Variants in PTPRD observed in about 807,000 individuals in gnomAD.
PTPRD encodes protein tyrosine phosphatase receptor type D.
In PTPRD, 34 loss-of-function variants were observed where a neutral mutation model predicts 214.5. The ratio of observed to expected loss-of-function variants is 0.16; its 90% CI spans 0.12 to 0.21. PTPRD has a LOEUF of 0.21. PTPRD is among the 10% of genes least tolerant of loss of function. The pLI, the probability that PTPRD is intolerant of heterozygous loss-of-function variation, is 1.00. For missense variants in PTPRD, 2,545 were observed against 2,398.7 expected, an observed-to-expected ratio of 1.06 and a Z score of -1.27; for synonymous variants, 1,128 against 845.7, an observed-to-expected ratio of 1.33 and a Z score of -5.79.
chr9:9,188,437 A>G (rs945107626), intron 9 of PTPRD, among the ~76,000 whole-genome samples: 1 of 152,206 alleles, frequency 6.6e-6, no homozygotes. Flanking sequence ...GATAATGCCA[A>G]ACTGTTTTCC....
chr9:8,373,854 G>GTGTGTGTATGTGTC (rs1564367376), intron 39 of PTPRD, among the ~76,000 whole-genome samples: 4 of 129,158 alleles, frequency 3.1e-5, no homozygotes. Flanking sequence ...GTATGTGTAT[G>GTGTGTGTATGTGTC]TGTCTGTCTG....
intron 9 of PTPRD, among the ~76,000 whole-genome samples, chr9:9,297,286 CA>C (rs1953440614): frequency 6.6e-6 from 1 of 151,576 alleles, no homozygotes; most frequent in African/African-American, 2.4e-5. Flanking sequence ...TATTTTTCTG[CA>C]ATCTTTATAG....
intron 11 of PTPRD, among the ~76,000 whole-genome samples, chr9:9,015,632 C>T (rs2099531681): frequency 6.6e-6 from 1 of 152,072 alleles, no homozygotes; most frequent in South Asian, 2.1e-4. Context: ...ATGGACTTGC[C>T]CTGAATTCTT....
At chr9:9,715,450 T>C (rs1269848780) in intron 7 of PTPRD, among the ~76,000 whole-genome samples, 2 of 152,116 alleles carry the variant, frequency 1.3e-5, no homozygotes, top group African/African-American at 4.8e-5. Context: ...GCCGTATTAG[T>C]GCCTTGGTGG....
chr9:8,347,907 G>A (rs1417245034), intron 39 of PTPRD, among the ~76,000 whole-genome samples: 1 of 152,166 alleles, frequency 6.6e-6, no homozygotes, highest in Non-Finnish European at 1.5e-5. Flanking sequence ...TGAATGGTGA[G>A]AAAGTAAGTT....
At chr9:10,527,265 G>T (rs2054588054) in intron 2 of PTPRD, among the ~76,000 whole-genome samples, 1 of 152,080 alleles carries the variant, frequency 6.6e-6, no homozygotes. Context: ...CAGAGGCAGG[G>T]GCATTCATGA....
chr9:8,804,771 A>G (rs189660281), intron 11 of PTPRD, among the ~76,000 whole-genome samples: 183 of 152,302 alleles, frequency 1.2e-3, no homozygotes, highest in African/African-American at 4.1e-3. Context: ...TGCTGAAGAA[A>G]TAAGAGTAAC....
chr9:8,705,228 T>C (rs373226487), intron 12 of PTPRD, among the ~76,000 whole-genome samples: 2 of 152,308 alleles, frequency 1.3e-5, no homozygotes, highest in African/African-American at 2.4e-5. Context: ...GTTGTTACTG[T>C]TGTTTTGTTT....
At chr9:9,067,551 A>C in intron 10 of PTPRD, among the ~76,000 whole-genome samples, 1 of 152,104 alleles carries the variant, frequency 6.6e-6, no homozygotes, top group East Asian at 1.9e-4. Context: ...CTTATCTTCT[A>C]TATATTCTTA....
At chr9:10,146,302 T>C (rs2099022630) in intron 3 of PTPRD, among the ~76,000 whole-genome samples, 1 of 152,032 alleles carries the variant, frequency 6.6e-6, no homozygotes. Context: ...AATTTAGTGA[T>C]ACTATCTAGG....
intron 35 of PTPRD, among the ~76,000 whole-genome samples, chr9:8,434,310 T>A (rs1008423400): frequency 6.6e-6 from 1 of 152,190 alleles, no homozygotes; most frequent in African/African-American, 2.4e-5. Flanking sequence ...ATTTTTTACC[T>A]TACCTTTTCT....
chr9:8,698,547 A>C (rs2097986623), intron 12 of PTPRD, among the ~76,000 whole-genome samples: 1 of 152,328 alleles, frequency 6.6e-6, no homozygotes, highest in African/African-American at 2.4e-5. Context: ...TTTTATCTAC[A>C]TCTGTACTTT....
intron 37 of PTPRD, among the ~76,000 whole-genome samples, chr9:8,380,405 G>C (rs546047624): frequency 6.6e-6 from 1 of 152,280 alleles, no homozygotes; most frequent in South Asian, 2.1e-4. Context: ...AAGAAGAACA[G>C]CAGAACTTGT....
chr9:8,951,273 T>C (rs755709833), intron 11 of PTPRD, among the ~76,000 whole-genome samples: 1 of 151,246 alleles, frequency 6.6e-6, no homozygotes, highest in Non-Finnish European at 1.5e-5. Context: ...ATTTTTTTTC[T>C]TACCACATGG....
At chr9:8,894,014 C>A (rs1178416582) in intron 11 of PTPRD, among the ~76,000 whole-genome samples, 1 of 151,832 alleles carries the variant, frequency 6.6e-6, no homozygotes, top group Non-Finnish European at 1.5e-5. Context: ...TTTTGTAAAG[C>A]ACACCCGAAG....
Position 9,319,935 on chromosome 9 carries a change from G to A in PTPRD, c.-203+77514C>T, listed in dbSNP as rs189929025. Among the ~76,000 whole-genome samples the A allele has an allele frequency of 4.9e-4, 75 of 152,146 alleles. 1 individual carries two copies. In the East Asian group the frequency reaches 6.0e-3, roughly 12 times the overall value. On this transcript the variant is annotated intron_variant, in intron 9 of 45. Transcript: ENST00000381196. ...TACATAAAGTCCTTTTTTAACAATAGTAAAGTGAAATAGTAGTGGCATTTT... is the reference window on the plus strand; with the variant it reads ...TACATAAAGTCCTTTTTTAACAATAATAAAGTGAAATAGTAGTGGCATTTT...
At chr9:9,583,590 G>A (rs2091312246) in intron 7 of PTPRD, among the ~76,000 whole-genome samples, 1 of 151,976 alleles carries the variant, frequency 6.6e-6, no homozygotes, top group African/African-American at 2.4e-5. Flanking sequence ...CATTTAAGAA[G>A]AAATTAAAAT....
At position 9,525,814 on chromosome 9, in the gene PTPRD, CT is replaced by C. The variant is rs1199877995; in HGVS notation, c.-237+48917del. Among the ~76,000 whole-genome samples the C allele has an allele frequency of 4.3e-3, 622 of 145,172 alleles. 3 individuals carry two copies. Among genetic ancestry groups the C allele is most frequent in the African/African-American group, 0.01 (400 of 39,982 alleles). ...TTCTTAAATTTTATACCTTTGTAAACTTTTTTTTTTTTGTACAAACAGGGAC... is the reference window on the plus strand; with the variant it reads ...TTCTTAAATTTTATACCTTTGTAAACTTTTTTTTTTTGTACAAACAGGGAC... On this transcript the variant is annotated intron_variant, in intron 8 of 45. Transcript: ENST00000381196.
intron 8 of PTPRD, among the ~76,000 whole-genome samples, chr9:9,433,736 T>C (rs1449361959): frequency 1.3e-5 from 2 of 152,154 alleles, no homozygotes; most frequent in East Asian, 3.9e-4. Flanking sequence ...TATTTACAAG[T>C]CGCAAAAGAA....
Sources: allele counts gnomAD v4.1 joint callset (sites outside exome capture counted in the v4.1 genomes callset), GRCh38; gene constraint gnomAD v4.1.1; transcripts MANE v1.5; gene names NCBI Gene and HGNC (gene_info 2026-07-23, HGNC 2026-07-21).